TMEM132D: variants seen among roughly 807,000 people sequenced by gnomAD.
TMEM132D encodes mature OL transmembrane protein.
A neutral mutation model predicts 62.3 loss-of-function variants in TMEM132D; 21 were observed. The ratio of observed to expected loss-of-function variants is 0.34; its 90% CI spans 0.24 to 0.49. TMEM132D has a LOEUF of 0.49. TMEM132D is among the 20% of genes least tolerant of loss of function. The pLI, the probability that TMEM132D is intolerant of heterozygous loss-of-function variation, is 0.99. For synonymous variants in TMEM132D, 621 were observed against 575.6 expected, an observed-to-expected ratio of 1.08 and a Z score of -1.13; for missense variants, 1,346 against 1,402.8, an observed-to-expected ratio of 0.96 and a Z score of 0.65.
At chr12:129,090,003 T>G (rs1208146368) in intron 5 of TMEM132D, among the ~76,000 whole-genome samples, 2 of 152,230 alleles carry the variant, frequency 1.3e-5, no homozygotes, top group African/African-American at 4.8e-5. Flanking sequence ...ATGACTTGGC[T>G]GTTCAAACAT....
chr12:129,289,538 C>T (rs1180919969), intron 4 of TMEM132D, among the ~76,000 whole-genome samples: 3 of 132,276 alleles, frequency 2.3e-5, no homozygotes, highest in African/African-American at 8.8e-5. Flanking sequence ...GAGTGAAATT[C>T]CATCTCAATA....
intron 2 of TMEM132D, among the ~76,000 whole-genome samples, chr12:129,641,147 C>T (rs1040635082): frequency 6.6e-6 from 1 of 152,116 alleles, no homozygotes; most frequent in Non-Finnish European, 1.5e-5. Context: ...CCCACCCTGC[C>T]CCGGTCCATG....
At chr12:129,852,809 T>C (rs1271412321) in intron 1 of TMEM132D, 1 of 152,164 alleles carries the variant, frequency 6.6e-6, no homozygotes, top group Admixed American at 6.5e-5. Context: ...GTCATTTGTG[T>C]TTTATGCGCT....
At position 129,723,740 on chromosome 12, in the gene TMEM132D, C is replaced by T. The variant is rs534203383; in HGVS notation, c.80-23042G>A. 6.6e-5 allele frequency among the ~76,000 whole-genome samples: 10 copies of T among 152,304 alleles called. No homozygotes were observed. The East Asian group carries it at 7.7e-4, about 12-fold the overall frequency. On this transcript the variant is annotated intron_variant, in intron 1 of 8. Coordinates refer to ENST00000422113, the MANE Select transcript of TMEM132D (RefSeq NM_133448.3). ...ATCTTCTTTAATCCTGTCAACATCT[C>T]GTCTCTCAAAGTAGCCCTTTTATTG...
intron 2 of TMEM132D, among the ~76,000 whole-genome samples, chr12:129,580,835 A>T (rs1262776914): frequency 6.6e-6 from 1 of 152,230 alleles, no homozygotes; most frequent in Non-Finnish European, 1.5e-5. Context: ...AGAAATTTCA[A>T]ATCATGGGCA....
At chr12:129,627,912 AG>A (rs199870360) in intron 2 of TMEM132D, among the ~76,000 whole-genome samples, 1 of 151,998 alleles carries the variant, frequency 6.6e-6, no homozygotes, top group Non-Finnish European at 1.5e-5. Flanking sequence ...GCTTGAGCCC[AG>A]GGGGTCAAGG....
intron 3 of TMEM132D, among the ~76,000 whole-genome samples, chr12:129,343,770 A>G (rs144900562): frequency 7.1e-6 from 1 of 140,874 alleles, no homozygotes; most frequent in Non-Finnish European, 1.6e-5. Flanking sequence ...ACAAAAAAAA[A>G]CAAAAAAAAA....
chr12:129,140,454 C>CA (rs1275707119), intron 5 of TMEM132D, among the ~76,000 whole-genome samples: 3 of 152,128 alleles, frequency 2.0e-5, no homozygotes, highest in African/African-American at 7.2e-5. Flanking sequence ...CGTTTGCTGT[C>CA]ATGGTAGTTT....
At chr12:129,592,118 C>T (rs1878205395) in intron 2 of TMEM132D, among the ~76,000 whole-genome samples, 1 of 152,164 alleles carries the variant, frequency 6.6e-6, no homozygotes, top group East Asian at 1.9e-4. Context: ...TTAAACCCCA[C>T]TGATTATAAG....
intron 1 of TMEM132D, among the ~76,000 whole-genome samples, chr12:129,739,381 T>C (rs1277856024): frequency 6.6e-6 from 1 of 152,094 alleles, no homozygotes; most frequent in Non-Finnish European, 1.5e-5. Flanking sequence ...GAGGGAGCTG[T>C]GGCCAAAAAG....
chr12:129,781,789 G>A (rs898826390), intron 1 of TMEM132D, among the ~76,000 whole-genome samples: 1 of 152,212 alleles, frequency 6.6e-6, no homozygotes, highest in South Asian at 2.1e-4. Context: ...TCCAACAGAG[G>A]CTGGGAAATG....
At chr12:129,224,593 A>G (rs1311368598) in intron 4 of TMEM132D, among the ~76,000 whole-genome samples, 1 of 152,188 alleles carries the variant, frequency 6.6e-6, no homozygotes, top group East Asian at 1.9e-4. Flanking sequence ...TTATTGTACT[A>G]GTGGAGCTTG....
At chr12:129,525,018 C>G (rs1185598493) in intron 3 of TMEM132D, among the ~76,000 whole-genome samples, 1 of 143,552 alleles carries the variant, frequency 7.0e-6, no homozygotes, top group African/African-American at 2.6e-5. Flanking sequence ...CTCCGCCTCC[C>G]GGGTTCAAGC....
In TMEM132D at chr12:129,610,214, C is replaced by T. The variant is rs568907014; in HGVS notation, c.969-79009G>A. On this transcript the variant is annotated intron_variant, in intron 2 of 8. Coordinates refer to ENST00000422113, the MANE Select transcript of TMEM132D (RefSeq NM_133448.3). ...ATTGCTTGAACCTGGGAGGCAGAGG[C>T]TGCAGTGAGCTGAGATTGCACCATT... Among the ~76,000 whole-genome samples the T allele has an allele frequency of 1.8e-3, 271 of 149,976 alleles. 2 individuals carry two copies. Among genetic ancestry groups the T allele is most frequent in the African/African-American group, 6.4e-3 (260 of 40,714 alleles).
intron 3 of TMEM132D, among the ~76,000 whole-genome samples, chr12:129,359,203 A>T (rs1232845097): frequency 6.6e-6 from 1 of 152,190 alleles, no homozygotes; most frequent in African/African-American, 2.4e-5. Context: ...TTCCACTAAT[A>T]TGAAACATCA....
intron 3 of TMEM132D, among the ~76,000 whole-genome samples, chr12:129,456,271 C>T (rs917645558): frequency 6.6e-6 from 1 of 152,054 alleles, no homozygotes; most frequent in East Asian, 1.9e-4. Context: ...GAGCACAGTG[C>T]CAGGTACAGG....
At chr12:129,201,207 GCAA>G (rs1286689895) in intron 5 of TMEM132D, among the ~76,000 whole-genome samples, 1 of 152,186 alleles carries the variant, frequency 6.6e-6, no homozygotes, top group Non-Finnish European at 1.5e-5. Flanking sequence ...TCTGTAAGTT[GCAA>G]CAACAAAAAC....
intron 3 of TMEM132D, among the ~76,000 whole-genome samples, chr12:129,486,570 G>C (rs113278978): frequency 6.6e-6 from 1 of 152,142 alleles, no homozygotes; most frequent in Non-Finnish European, 1.5e-5. Context: ...AATAATGATA[G>C]TAATAAAGCC....
intron 3 of TMEM132D, among the ~76,000 whole-genome samples, chr12:129,445,739 C>T (rs2135723636): frequency 6.6e-6 from 1 of 152,238 alleles, no homozygotes; most frequent in East Asian, 1.9e-4. Context: ...AATAAACCAC[C>T]CATAGTCACA....
Sources: allele counts gnomAD v4.1 joint callset (sites outside exome capture counted in the v4.1 genomes callset), GRCh38; gene constraint gnomAD v4.1.1; transcripts MANE v1.5; gene names NCBI Gene and HGNC (gene_info 2026-07-23, HGNC 2026-07-21).